The following PCDHGA9 variants were observed in gnomAD, a reference collection of about 807,000 sequenced individuals.
PCDHGA9 encodes the protein protocadherin gamma subfamily A, 9.
A neutral mutation model predicts 62.5 loss-of-function variants in PCDHGA9; 37 were observed. The ratio of observed to expected loss-of-function variants is 0.59; its 90% CI spans 0.46 to 0.78. The LOEUF (loss-of-function observed/expected upper bound fraction) is 0.78, where lower values mean the gene tolerates loss of function less well. Ranked by LOEUF, PCDHGA9 falls within the 30% of genes least tolerant of loss-of-function variation. PCDHGA9 has a pLI of 0.00. For missense variants in PCDHGA9, 1,138 were observed against 1,166.2 expected, an observed-to-expected ratio of 0.98 and a Z score of 0.35; for synonymous variants, 459 against 484.6, an observed-to-expected ratio of 0.95 and a Z score of 0.69.
rs369354938 is a variant in PCDHGA9, at chr5:141,404,125, T to C, written c.1173T>C (p.Ser391=). 7.5e-4 allele frequency: 1,204 copies of C among 1,613,214 alleles called. 1 individual carries two copies. The highest frequency in any genetic ancestry group is 8.4e-4 in the Non-Finnish European group (986 of 1,179,494). Residue 391 remains serine (S), a synonymous_variant, in exon 1 of 4, where the codon TCT becomes TCC. Coordinates refer to ENST00000573521, the MANE Select transcript of PCDHGA9 (RefSeq NM_018921.3). The part of the protein sequence containing the change: ...QVVCSIQENL[S]FTLENSEEDY... Reference sequence around the variant, plus strand: ...TCTGTTCTATCCAGGAGAATCTATCTTTTACATTAGAAAATTCAGAAGAAG... The same window carrying C: ...TCTGTTCTATCCAGGAGAATCTATCCTTTACATTAGAAAATTCAGAAGAAG...
At position 141,403,979 on chromosome 5, in the gene PCDHGA9, A is replaced by G; in HGVS notation, c.1027A>G (p.Asn343Asp). Reference protein sequence around the residue: ...VLISVEDVNDNRPEVTITSLF... With the variant: ...VLISVEDVNDDRPEVTITSLF... Reference sequence around the variant, plus strand: ...CATTTCGGTGGAAGATGTAAATGACAATAGACCTGAAGTGACCATTACATC... The same window carrying G: ...CATTTCGGTGGAAGATGTAAATGACGATAGACCTGAAGTGACCATTACATC... The change falls in exon 1 of 4, where the codon AAT becomes GAT. Residue 343 changes from asparagine (N) to aspartate (D), a missense_variant. Asn to Asp is a conservative substitution (Grantham distance 23). Transcript: ENST00000573521. 6.2e-7 allele frequency: 1 copy of G among 1,613,932 alleles called. No homozygotes were observed. The highest frequency in any genetic ancestry group is 8.5e-7 in the Non-Finnish European group (1 of 1,179,848).
At chr5:141,447,976 C>T (rs774074042) in intron 1 of PCDHGA9, among the ~76,000 whole-genome samples, 18 of 151,938 alleles carry the variant, frequency 1.2e-4, no homozygotes, top group Non-Finnish European at 2.5e-4. Flanking sequence ...ATCCCAGCTA[C>T]TCGGGAGGCT....
Position 141,490,876 on chromosome 5 carries a change from G to T in PCDHGA9, c.2425-3931G>T. On this transcript the variant is annotated intron_variant, in intron 1 of 3. Coordinates refer to ENST00000573521, the MANE Select transcript of PCDHGA9 (RefSeq NM_018921.3). The surrounding 1 kb of genome is among the most constrained non-coding windows in gnomAD (Gnocchi z 5.4). Reference sequence around the variant, plus strand: ...AGACTCCGGCTCTCCCCCATTGCATGCCAACACATCTCTGCATGTGTTTGT... The same window carrying T: ...AGACTCCGGCTCTCCCCCATTGCATTCCAACACATCTCTGCATGTGTTTGT... 6.2e-7 allele frequency: 1 copy of T among 1,613,840 alleles called. No homozygotes were observed. The highest frequency in any genetic ancestry group is 8.5e-7 in the Non-Finnish European group (1 of 1,179,894).
chr5:141,501,162 C>T (rs922957843), intron 2 of PCDHGA9, among the ~76,000 whole-genome samples: 1 of 152,134 alleles, frequency 6.6e-6, no homozygotes, highest in Non-Finnish European at 1.5e-5. Context: ...CCACCATCCC[C>T]AGCCTCATTT....
At position 141,486,141 on chromosome 5, in the gene PCDHGA9, G is replaced by A. The variant is rs369317501; in HGVS notation, c.2425-8666G>A. 28 of 1,614,066 alleles carry A rather than the reference G, an allele frequency of 1.7e-5. No homozygotes were observed. The highest frequency in any genetic ancestry group is 2.3e-5 in the Non-Finnish European group (27 of 1,180,044). On this transcript the variant is annotated intron_variant, in intron 1 of 3. Transcript: ENST00000573521. This position sits in a 1 kb window ranked among gnomAD's most constrained non-coding sequence, Gnocchi z 5.0. ...TACTATGAATTTGATGTGCGGGCTC[G>A]CGATGGGGGTTCTCCAGCCATGGAG...
At chr5:141,473,942 G>A (rs1419813166) in intron 1 of PCDHGA9, among the ~76,000 whole-genome samples, 3 of 152,124 alleles carry the variant, frequency 2.0e-5, no homozygotes, top group Non-Finnish European at 2.9e-5. Flanking sequence ...AGTAGCTCAG[G>A]CCTGTAGTCC....
At chr5:141,445,782 G>A (rs530081823) in intron 1 of PCDHGA9, among the ~76,000 whole-genome samples, 1 of 152,310 alleles carries the variant, frequency 6.6e-6, no homozygotes, top group East Asian at 1.9e-4. Flanking sequence ...AAGGGCTAGG[G>A]AGGCTAGAAA....
At chr5:141,492,009 G>C in intron 1 of PCDHGA9, 1 of 617,702 alleles carries the variant, frequency 1.6e-6, no homozygotes, top group Non-Finnish European at 2.7e-6. Flanking sequence ...GATTTCCGCG[G>C]GTGTCGGGGG....
chr5:141,420,076 T>TC, intron 1 of PCDHGA9: 1 of 1,613,956 alleles, frequency 6.2e-7, no homozygotes, highest in Non-Finnish European at 8.5e-7. Context: ...GACCTGTGGG[T>TC]CCCCCCAACT....
intron 2 of PCDHGA9, among the ~76,000 whole-genome samples, chr5:141,496,474 T>A (rs2099769027): frequency 6.6e-6 from 1 of 152,140 alleles, no homozygotes; most frequent in African/African-American, 2.4e-5. Context: ...CTTTCCCCCA[T>A]CCTGCAACCA....
chr5:141,487,595 G>C lies in PCDHGA9; in HGVS notation c.2425-7212G>C. ...TGTTCGCCCAAGCTGCCCACCCTCT[G>C]ATCTTCTCTATGGGCTAGAGGTGAG... On this transcript the variant is annotated intron_variant, in intron 1 of 3. Coordinates refer to ENST00000573521, the MANE Select transcript of PCDHGA9 (RefSeq NM_018921.3). The surrounding 1 kb of genome is among the most constrained non-coding windows in gnomAD (Gnocchi z 5.0). 1 of 1,614,202 alleles carries C rather than the reference G, an allele frequency of 6.2e-7. No homozygotes were observed. The highest frequency in any genetic ancestry group is 8.5e-7 in the Non-Finnish European group (1 of 1,180,038).
chr5:141,419,981 A>C, intron 1 of PCDHGA9: 2 of 1,614,052 alleles, frequency 1.2e-6, no homozygotes, highest in Non-Finnish European at 1.7e-6. Context: ...CCTCGCGGTG[A>C]TTCTAGCTAT....
chr5:141,456,324 G>T (rs757059960), intron 1 of PCDHGA9, among the ~76,000 whole-genome samples: 15 of 152,166 alleles, frequency 9.9e-5, no homozygotes, highest in Non-Finnish European at 2.9e-5. Context: ...TCCTCCTGGG[G>T]TTGATCTAAG....
rs186638311 is a variant in PCDHGA9, at chr5:141,492,901, T to C, written c.2425-1906T>C. 3.7e-3 allele frequency among the ~76,000 whole-genome samples: 568 copies of C among 152,326 alleles called. 5 individuals carry two copies. The highest frequency in any genetic ancestry group is 0.011 in the Admixed American group (163 of 15,308). On this transcript the variant is annotated intron_variant, in intron 1 of 3. Coordinates refer to ENST00000573521, the MANE Select transcript of PCDHGA9 (RefSeq NM_018921.3). ...GAGATACAGGCTTTTGGCGCCGTCG[T>C]GATCACAATGTGCCCAGCGATCTAG...
In PCDHGA9 at chr5:141,450,826, A is replaced by AT. The variant is rs764729742; in HGVS notation, c.2425-43979dup. On this transcript the variant is annotated intron_variant, in intron 1 of 3. Coordinates refer to ENST00000573521, the MANE Select transcript of PCDHGA9 (RefSeq NM_018921.3). ...TATTTATTTATTTAATATTATTATT[A>AT]TTATTTTTTTTTTTTTGAGATGGGG... Among the ~76,000 whole-genome samples, 613 of 134,334 alleles carry AT rather than the reference A, an allele frequency of 4.6e-3. 5 individuals are homozygous for AT. Among genetic ancestry groups the AT allele is most frequent in the African/African-American group, 9.0e-3 (309 of 34,288 alleles). 88.1% of individuals were successfully genotyped at this position (134,334 alleles called of 152,430 possible).
intron 1 of PCDHGA9, chr5:141,421,043 C>T (rs1201118615): frequency 5.5e-6 from 3 of 548,238 alleles, no homozygotes; most frequent in African/African-American, 3.9e-5. Flanking sequence ...CCTCCCTCCC[C>T]CGCCTCTACC....
rs999687684 is a variant in PCDHGA9, at chr5:141,431,598, C to T, written c.2424+26222C>T. 1 of 1,614,192 alleles carries T rather than the reference C, an allele frequency of 6.2e-7. No homozygotes were observed. The highest frequency in any genetic ancestry group is 8.5e-7 in the Non-Finnish European group (1 of 1,180,046). ...GGAGTCAATGCGGAAGTGAGGTATT[C>T]CTTCCGGTATGTGGACGACAAGGCG... is the stretch of plus-strand genomic sequence containing the variant. On this transcript the variant is annotated intron_variant, in intron 1 of 3. Coordinates refer to ENST00000573521, the MANE Select transcript of PCDHGA9 (RefSeq NM_018921.3). This position sits in a 1 kb window ranked among gnomAD's most constrained non-coding sequence, Gnocchi z 4.8.
At chr5:141,508,371 C>T (rs1250979168) in intron 3 of PCDHGA9, 1 of 152,226 alleles carries the variant, frequency 6.6e-6, no homozygotes, top group East Asian at 1.9e-4. Flanking sequence ...CAACTTCTTC[C>T]CCTCAGATTT....
chr5:141,492,296 G>GACGC lies in PCDHGA9; in HGVS notation c.2425-2500_2425-2497dup, dbSNP rs540417011. 9.7e-4 allele frequency among the ~76,000 whole-genome samples: 148 copies of GACGC among 152,328 alleles called. 2 individuals are homozygous for GACGC. In the South Asian group the frequency reaches 0.014, roughly 14 times the overall value. ...GCCACGCCCCGCCAACACGTGCGCGGACGCACGCACGCACTCCTCGCACGT... is the reference window on the plus strand; with the variant it reads ...GCCACGCCCCGCCAACACGTGCGCGGACGCACGCACGCACGCACTCCTCGCACGT... On this transcript the variant is annotated intron_variant, in intron 1 of 3. Transcript: ENST00000573521.
Sources: gnomAD v4.1 joint callset for allele counts (sites outside exome capture counted in the v4.1 genomes callset) on GRCh38, gnomAD v4.1.1 for gene constraint, Gnocchi (gnomAD v3.1) non-coding constraint, MANE v1.5 for transcripts, NCBI Gene and HGNC (gene_info 2026-07-23, HGNC 2026-07-21) for gene names.